The following ARK2C variants were observed in gnomAD, a reference collection of about 807,000 sequenced individuals.
ARK2C encodes the protein arkadia (RNF111) C-terminal like ring finger ubiquitin ligase 2C.
chr18:46,446,455 G>C, the ARK2C span, among the ~76,000 whole-genome samples: 1 of 152,018 alleles, frequency 6.6e-6, no homozygotes, highest in Non-Finnish European at 1.5e-5. Context: ...TGGATCACTT[G>C]AAGTCAGGAG....
the ARK2C span, among the ~76,000 whole-genome samples, chr18:46,448,974 T>C: frequency 6.6e-6 from 1 of 152,150 alleles, no homozygotes; most frequent in Non-Finnish European, 1.5e-5. Flanking sequence ...TTGGAGTCCT[T>C]GTAAGCTTTG....
chr18:46,405,779 TTTCTTAAGGTCTGGGGATGGTGAGAGG>T, the ARK2C span, among the ~76,000 whole-genome samples: 1 of 151,556 alleles, frequency 6.6e-6, no homozygotes, highest in East Asian at 1.9e-4. Context: ...AGGCAAAGAA[TTTCTTAAGGTCTGGGGATGGTGAGAGG>T]TTCTTAAGGT....
the ARK2C span, chr18:46,457,775 G>A: frequency 6.6e-6 from 1 of 152,654 alleles, no homozygotes; most frequent in Non-Finnish European, 1.5e-5. Context: ...ATGGCTGCTT[G>A]GTCTTGGCCA....
the ARK2C span, among the ~76,000 whole-genome samples, chr18:46,382,362 T>G: frequency 6.6e-6 from 1 of 152,228 alleles, no homozygotes; most frequent in Non-Finnish European, 1.5e-5. Flanking sequence ...ATTTACTACA[T>G]AGCTCAGAGC....
chr18:46,350,192 C>A, the ARK2C span, among the ~76,000 whole-genome samples: 4 of 152,228 alleles, frequency 2.6e-5, no homozygotes, highest in Admixed American at 2.6e-4. Flanking sequence ...AGCCCCTACC[C>A]CACCATCGCT....
At chr18:46,379,918 C>T in the ARK2C span, among the ~76,000 whole-genome samples, 28 of 152,332 alleles carry the variant, frequency 1.8e-4, no homozygotes, top group East Asian at 5.0e-3. Flanking sequence ...CCCACTGGGA[C>T]GTTGCTGCCA....
the ARK2C span, among the ~76,000 whole-genome samples, chr18:46,397,631 G>GGTGT: frequency 4.9e-4 from 56 of 114,754 alleles, 2 homozygotes; most frequent in African/African-American, 2.0e-3. Flanking sequence ...GAGGTGTGAG[G>GGTGT]GTGTGTGTGT....
At chr18:46,425,136 T>C in the ARK2C span, among the ~76,000 whole-genome samples, 1 of 152,012 alleles carries the variant, frequency 6.6e-6, no homozygotes, top group Non-Finnish European at 1.5e-5. Context: ...TGGGGAAGAG[T>C]GAGGCTGGCT....
At chr18:46,391,724 C>T in the ARK2C span, among the ~76,000 whole-genome samples, 1 of 151,736 alleles carries the variant, frequency 6.6e-6, no homozygotes, top group Non-Finnish European at 1.5e-5. Flanking sequence ...ATCCTCTGTT[C>T]ACTCACCCTT....
At chr18:46,396,072 G>A in the ARK2C span, among the ~76,000 whole-genome samples, 1 of 152,216 alleles carries the variant, frequency 6.6e-6, no homozygotes, top group South Asian at 2.1e-4. Context: ...CATAGCAAAG[G>A]CAGGAATCTT....
At chr18:46,429,768 C>CT in the ARK2C span, among the ~76,000 whole-genome samples, 59 of 151,524 alleles carry the variant, frequency 3.9e-4, no homozygotes, top group Middle Eastern at 3.4e-3. Context: ...TTAAAATACT[C>CT]TTTTTTTTTC....
At chr18:46,379,625 ATTC>A in the ARK2C span, among the ~76,000 whole-genome samples, 1 of 152,204 alleles carries the variant, frequency 6.6e-6, no homozygotes, top group Admixed American at 6.5e-5. Context: ...CACCTTCAGA[ATTC>A]TTCTCCCCAC....
the ARK2C span, among the ~76,000 whole-genome samples, chr18:46,426,946 T>C: frequency 1.5e-4 from 23 of 152,352 alleles, 1 homozygote; most frequent in South Asian, 2.5e-3. Context: ...ACATCACTGA[T>C]CGTTGATTTG....
chr18:46,415,394 T>C, the ARK2C span, among the ~76,000 whole-genome samples: 1 of 151,814 alleles, frequency 6.6e-6, no homozygotes, highest in South Asian at 2.1e-4. Context: ...TAGGCAGTGG[T>C]GGGCGCCTAT....
the ARK2C span, among the ~76,000 whole-genome samples, chr18:46,380,111 G>C: frequency 6.6e-6 from 1 of 152,280 alleles, no homozygotes; most frequent in Non-Finnish European, 1.5e-5. Context: ...TGGGGGTGGA[G>C]TGCAGGGGCC....
chr18:46,346,608 T>A, the ARK2C span, among the ~76,000 whole-genome samples: 1 of 152,100 alleles, frequency 6.6e-6, no homozygotes, highest in Non-Finnish European at 1.5e-5. Flanking sequence ...TGAGCCTCAG[T>A]CTCTTCTAAA....
chr18:46,347,415 T>C, the ARK2C span, among the ~76,000 whole-genome samples: 2 of 152,192 alleles, frequency 1.3e-5, no homozygotes, highest in African/African-American at 4.8e-5. Flanking sequence ...CCAGCCGAGC[T>C]GCCTGAGTGC....
chr18:46,415,057 A>C, the ARK2C span, among the ~76,000 whole-genome samples: 2 of 152,230 alleles, frequency 1.3e-5, no homozygotes, highest in Non-Finnish European at 2.9e-5. Flanking sequence ...GGGAGGGAGC[A>C]GAAGCCAAGT....
chr18:46,340,895 G>C, the ARK2C span, among the ~76,000 whole-genome samples: 12 of 152,222 alleles, frequency 7.9e-5, no homozygotes, highest in Non-Finnish European at 1.2e-4. Context: ...GCCTCAAAGG[G>C]TAGTGTGTAT....
Sources: gnomAD v4.1 joint callset for allele counts (sites outside exome capture counted in the v4.1 genomes callset) on GRCh38, gnomAD v4.1.1 for gene constraint, MANE v1.5 for transcripts, NCBI Gene and HGNC (gene_info 2026-07-23, HGNC 2026-07-21) for gene names.